The following MTAP variants were observed in gnomAD, a reference collection of about 807,000 sequenced individuals.
MTAP encodes methylthioadenosine phosphorylase, also known as S-methyl-5'-thioadenosine phosphorylase.
Under a neutral mutation model 33.6 loss-of-function variants are expected in MTAP, and 33 were observed. The ratio of observed to expected loss-of-function variants is 0.98; its 90% confidence interval spans 0.74 to 1.31. The LOEUF is 1.31. Ranked by LOEUF, MTAP falls within the 40% of genes most tolerant of loss-of-function variation. The pLI, the probability that MTAP is intolerant of heterozygous loss-of-function variation, is 0.00. For missense variants in MTAP, 367 were observed against 360.0 expected, an observed-to-expected ratio of 1.02 and a Z score of -0.16; for synonymous variants, 148 against 125.7, an observed-to-expected ratio of 1.18 and a Z score of -1.19.
At chr9:21,925,335 C>G (rs1270912392) in intron 1 of MTAP, among the ~76,000 whole-genome samples, 2 of 152,168 alleles carry the variant, frequency 1.3e-5, no homozygotes, top group Non-Finnish European at 2.9e-5. Flanking sequence ...TTAACTCAGG[C>G]AGCCCCACAT....
In MTAP at chr9:21,879,246, G is replaced by A. The variant is rs185367977; in HGVS notation, c.147+24376G>A. ...GAATCTAGGTGCTCCTGTGTTGGGTGCATATATATTTAGTATATTTAGGCT... is the reference window on the plus strand; with the variant it reads ...GAATCTAGGTGCTCCTGTGTTGGGTACATATATATTTAGTATATTTAGGCT... On this transcript the variant is annotated intron_variant, in intron 1 of 1. Coordinates refer to the MTAP transcript ENST00000577563. Among the ~76,000 whole-genome samples the A allele has an allele frequency of 2.0e-5, 3 of 152,226 alleles. No homozygotes were observed. In the East Asian group the frequency reaches 5.8e-4, roughly 29 times the overall value.
At chr9:21,878,832 C>G (rs1200013213) in intron 1 of MTAP, among the ~76,000 whole-genome samples, 1 of 152,142 alleles carries the variant, frequency 6.6e-6, no homozygotes, top group East Asian at 1.9e-4. Flanking sequence ...CATTCAGGAG[C>G]AGGTTGTTTA....
At chr9:21,901,540 A>G (rs1818392944) in intron 1 of MTAP, among the ~76,000 whole-genome samples, 1 of 152,202 alleles carries the variant, frequency 6.6e-6, no homozygotes, top group Non-Finnish European at 1.5e-5. Context: ...CTAGTTTTTC[A>G]TATGATTATT....
At chr9:21,810,352 A>G (rs527655392) in intron 1 of MTAP, among the ~76,000 whole-genome samples, 2 of 152,338 alleles carry the variant, frequency 1.3e-5, no homozygotes, top group Admixed American at 1.3e-4. Flanking sequence ...AATACCTGAG[A>G]CAGGGTAATT....
At chr9:21,874,694 CTTT>C (rs10713371) in intron 1 of MTAP, among the ~76,000 whole-genome samples, 7 of 139,716 alleles carry the variant, frequency 5.0e-5, no homozygotes, top group African/African-American at 7.7e-5. Context: ...AATCATTTTT[CTTT>C]TTTTTTTTTT....
At chr9:21,822,144 A>T (rs1824658869) in intron 4 of MTAP, among the ~76,000 whole-genome samples, 1 of 151,382 alleles carries the variant, frequency 6.6e-6, no homozygotes, top group Non-Finnish European at 1.5e-5. Context: ...TTCTTCTCTG[A>T]TCTTAGTTAT....
intron 1 of MTAP, among the ~76,000 whole-genome samples, chr9:21,921,699 A>G (rs2131033684): frequency 6.6e-6 from 1 of 152,330 alleles, no homozygotes; most frequent in East Asian, 1.9e-4. Context: ...GGCCAGAAGC[A>G]GTGGCTCACA....
At chr9:21,845,437 A>G (rs1825357245) in intron 5 of MTAP, among the ~76,000 whole-genome samples, 1 of 151,748 alleles carries the variant, frequency 6.6e-6, no homozygotes, top group African/African-American at 2.4e-5. Context: ...CAGTTGCAGG[A>G]AAAAAAAAGT....
chr9:21,802,697 G>C lies in MTAP; in HGVS notation c.-52G>C, dbSNP rs949068748. On this transcript the variant is annotated 5_prime_UTR_variant, in exon 1 of 8. Coordinates refer to ENST00000644715, the MANE Select transcript of MTAP (RefSeq NM_002451.4). ...CAGCCACCGCTCTGTGGCTCGCTTG[G>C]TTCCCTTAGTCCCGAGCGCTCGCCC... 247 of 1,590,122 alleles carry C rather than the reference G, an allele frequency of 1.6e-4. 1 individual carries two copies. Among genetic ancestry groups the C allele is most frequent in the Non-Finnish European group, 2.1e-4 (240 of 1,169,554 alleles).
At chr9:21,892,328 A>G (rs190061262) in intron 1 of MTAP, 1 of 152,310 alleles carries the variant, frequency 6.6e-6, no homozygotes, top group East Asian at 1.9e-4. Context: ...CACAGTGGCA[A>G]TTTGGATAAA....
intron 1 of MTAP, among the ~76,000 whole-genome samples, chr9:21,917,301 C>T (rs1018833703): frequency 1.3e-5 from 2 of 152,056 alleles, no homozygotes; most frequent in Admixed American, 1.3e-4. Context: ...CTGAGTGGTC[C>T]ACATAACAGA....
Position 21,816,665 on chromosome 9 carries a change from A to G in MTAP, c.121-49A>G, listed in dbSNP as rs748663958. On this transcript the variant is annotated intron_variant, in intron 2 of 7. Coordinates refer to ENST00000644715, the MANE Select transcript of MTAP (RefSeq NM_002451.4). ...GTGGTTGAACAATTATAATTTACAT[A>G]CCTGTTTTTAAATCACTGAGTTAAA... 4 of 1,517,892 alleles carry G rather than the reference A, an allele frequency of 2.6e-6. No individual in the cohort carries two copies. The African/African-American group carries it at 5.5e-5, about 21-fold the overall frequency. The allele number at this position is 1,517,892 out of a possible 1,614,324, so 94.0% of individuals were successfully genotyped here. A position where few individuals can be genotyped will look rare whatever the true frequency, so the allele number is the denominator to read the frequency against.
intron 1 of MTAP, among the ~76,000 whole-genome samples, chr9:21,915,102 C>T (rs562088118): frequency 8.4e-6 from 1 of 119,426 alleles, no homozygotes; most frequent in South Asian, 2.7e-4. Flanking sequence ...TCTTTTCTTT[C>T]GGCAGAGTCT....
intron 5 of MTAP, among the ~76,000 whole-genome samples, chr9:21,838,948 A>G (rs2118334838): frequency 6.6e-6 from 1 of 152,358 alleles, no homozygotes; most frequent in South Asian, 2.1e-4. Context: ...TAGAGAGTAG[A>G]TGATTTCTTT....
intron 1 of MTAP, among the ~76,000 whole-genome samples, chr9:21,916,265 C>T (rs1563870066): frequency 6.6e-6 from 1 of 152,130 alleles, no homozygotes; most frequent in Admixed American, 6.5e-5. Flanking sequence ...AAGATGAGGT[C>T]ATACCGGGTT....
At chr9:21,916,190 C>G (rs66741679) in intron 1 of MTAP, among the ~76,000 whole-genome samples, 19,830 of 151,868 alleles carry the variant, frequency 0.13, 1,997 homozygotes, top group African/African-American at 0.26. Context: ...CTCCAAAATT[C>G]ATGTATACCT....
chr9:21,854,260 C>T (rs1255741912), intron 5 of MTAP, among the ~76,000 whole-genome samples: 1 of 152,184 alleles, frequency 6.6e-6, no homozygotes, highest in Non-Finnish European at 1.5e-5. Context: ...GCTTAGCCTG[C>T]GAGGTTAAAA....
downstream of MTAP, chr9:21,932,181 T>C (rs896476446): frequency 6.6e-6 from 1 of 152,194 alleles, no homozygotes; most frequent in Non-Finnish European, 1.5e-5. Context: ...GTAGGGGTGA[T>C]CTGATCAAGC....
downstream of MTAP, chr9:21,940,835 G>A (rs1819126433): frequency 5.5e-6 from 1 of 180,742 alleles, no homozygotes; most frequent in Non-Finnish European, 1.1e-5. Flanking sequence ...TAGTATGGAG[G>A]TTTTATTACA....
Sources: allele counts gnomAD v4.1 joint callset (sites outside exome capture counted in the v4.1 genomes callset), GRCh38; gene constraint gnomAD v4.1.1; transcripts MANE v1.5; gene names NCBI Gene and HGNC (gene_info 2026-07-23, HGNC 2026-07-21).